The following BRD4 variants were observed in gnomAD, a reference collection of about 807,000 sequenced individuals.
BRD4 encodes bromodomain-containing protein 4.
BRD4 carries 16 observed loss-of-function variants against 142.1 expected under a neutral mutation model. The observed-to-expected ratio is 0.11, with a 90% CI of 0.08 to 0.17. The LOEUF is 0.17. Ranked by LOEUF, BRD4 falls within the 10% of genes least tolerant of loss-of-function variation. BRD4 has a pLI of 1.00. For missense variants in BRD4, 1,424 were observed against 1,810.9 expected, an observed-to-expected ratio of 0.79 and a Z score of 3.88; for synonymous variants, 833 against 707.5, an observed-to-expected ratio of 1.18 and a Z score of -2.82.
intron 1 of BRD4, among the ~76,000 whole-genome samples, chr19:15,278,482 C>G (rs1227665123): frequency 7.2e-6 from 1 of 139,200 alleles, no homozygotes; most frequent in East Asian, 2.1e-4. Flanking sequence ...TTGCAGTGAG[C>G]AGAGATTGTG....
chr19:15,305,595 T>C (rs1167674282), intron 1 of BRD4, among the ~76,000 whole-genome samples: 1 of 152,228 alleles, frequency 6.6e-6, no homozygotes, highest in Non-Finnish European at 1.5e-5. Context: ...AGACTTTGTT[T>C]TTCCCTTTAC....
intron 1 of BRD4, among the ~76,000 whole-genome samples, chr19:15,328,859 C>T (rs202123262): frequency 1.3e-5 from 2 of 152,278 alleles, no homozygotes; most frequent in Admixed American, 6.5e-5. Flanking sequence ...CCGCAACCTC[C>T]GCCTCCCGGG....
intron 1 of BRD4, among the ~76,000 whole-genome samples, chr19:15,310,444 T>C (rs903623495): frequency 1.7e-4 from 22 of 131,844 alleles, no homozygotes; most frequent in Non-Finnish European, 2.3e-4. Context: ...CACTGCAAGC[T>C]CCGCCTCCCG....
Position 15,243,628 on chromosome 19 carries a change from G to A in BRD4, c.2582-141C>T, listed in dbSNP as rs575784117. The A allele has an allele frequency of 1.2e-4, 161 of 1,367,450 alleles. No individual in the cohort carries two copies. In the South Asian group the frequency reaches 1.8e-3, roughly 15 times the overall value. 84.7% of individuals were successfully genotyped at this position (1,367,450 alleles called of 1,614,324 possible). On this transcript the variant is annotated intron_variant, in intron 13 of 19. Transcript: ENST00000679869. Reference sequence around the variant, plus strand: ...AACTGGCACTCCCTCCCCACCTACCGTGGCCTCCCACAAACTCCAGAGCAG... The same window carrying A: ...AACTGGCACTCCCTCCCCACCTACCATGGCCTCCCACAAACTCCAGAGCAG...
intron 1 of BRD4, among the ~76,000 whole-genome samples, chr19:15,319,863 G>C (rs577437430): frequency 9.5e-4 from 145 of 152,178 alleles, no homozygotes; most frequent in Non-Finnish European, 4.4e-4. Flanking sequence ...TGAGTTTGGG[G>C]AGGCTGAGAC....
chr19:15,238,583 A>G lies in BRD4; in HGVS notation c.4021-138T>C, dbSNP rs991141724. 1 of 1,510,988 alleles carries G rather than the reference A, an allele frequency of 6.6e-7. No individual in the cohort carries two copies. Among genetic ancestry groups the G allele is most frequent in the Non-Finnish European group, 8.9e-7 (1 of 1,127,846 alleles). 93.6% of individuals were successfully genotyped at this position (1,510,988 alleles called of 1,614,324 possible). A position where few individuals can be genotyped will look rare whatever the true frequency, so the allele number is the denominator to read the frequency against. On this transcript the variant is annotated intron_variant, in intron 19 of 19. Transcript: ENST00000679869. The surrounding 1 kb of genome is among the most constrained non-coding windows in gnomAD (Gnocchi z 7.2). ...CTCATAGCGCTCACCCCGTCCACACAGCACTCAGGGCCCTACAGCTGAGTC... is the reference window on the plus strand; with the variant it reads ...CTCATAGCGCTCACCCCGTCCACACGGCACTCAGGGCCCTACAGCTGAGTC...
At chr19:15,305,078 G>A (rs9653147) in intron 1 of BRD4, among the ~76,000 whole-genome samples, 5,456 of 148,054 alleles carry the variant, frequency 0.037, 291 homozygotes, top group African/African-American at 0.11. Context: ...GAGTGCAATG[G>A]CGCGATCTCA....
intron 2 of BRD4, among the ~76,000 whole-genome samples, chr19:15,271,426 T>C (rs1426808624): frequency 6.6e-6 from 1 of 152,194 alleles, no homozygotes; most frequent in East Asian, 1.9e-4. Context: ...GTCGGAATCC[T>C]CATCTCTTTG....
chr19:15,264,190 G>A (rs2047505249), intron 6 of BRD4: 4 of 586,960 alleles, frequency 6.8e-6, no homozygotes, highest in Admixed American at 3.4e-5. Flanking sequence ...GGCAGCACAG[G>A]CATCTGTAGC....
chr19:15,263,233 C>T (rs2047493470), intron 7 of BRD4, among the ~76,000 whole-genome samples, 187 bp downstream of exon 7: 1 of 152,180 alleles, frequency 6.6e-6, no homozygotes, highest in Admixed American at 6.5e-5. Context: ...ACCCACTCTG[C>T]TTTAATTGAA....
chr19:15,296,897 C>G (rs1045780805), intron 1 of BRD4, among the ~76,000 whole-genome samples: 3 of 151,950 alleles, frequency 2.0e-5, no homozygotes, highest in African/African-American at 7.3e-5. Context: ...GCCCACCTCT[C>G]ATGGAGAGTA....
intron 1 of BRD4, among the ~76,000 whole-genome samples, chr19:15,283,165 G>C (rs2047717324): frequency 6.6e-6 from 1 of 152,024 alleles, no homozygotes; most frequent in African/African-American, 2.4e-5. Flanking sequence ...AAATACGGGG[G>C]ACACACTTGG....
intron 8 of BRD4, 37 bp from the exon 9 acceptor site, chr19:15,256,300 G>A (rs201089418): frequency 6.3e-7 from 1 of 1,590,020 alleles, no homozygotes; most frequent in African/African-American, 1.4e-5. Context: ...ACTCAGGGCT[G>A]AAACCACCTT....
chr19:15,282,971 A>G (rs2047716027), intron 1 of BRD4, among the ~76,000 whole-genome samples: 1 of 152,198 alleles, frequency 6.6e-6, no homozygotes, highest in South Asian at 2.1e-4. Context: ...GTCTTTAAAA[A>G]TAATAATAAA....
At chr19:15,275,396 C>A (rs1173015499) in intron 1 of BRD4, among the ~76,000 whole-genome samples, 2 of 152,138 alleles carry the variant, frequency 1.3e-5, no homozygotes, top group Admixed American at 1.3e-4. Flanking sequence ...AGTACCTGAC[C>A]CAGGAGTGGA....
chr19:15,293,532 G>T (rs2047800423), intron 1 of BRD4, among the ~76,000 whole-genome samples: 1 of 152,206 alleles, frequency 6.6e-6, no homozygotes, highest in African/African-American at 2.4e-5. Context: ...GAGTGTAAGA[G>T]CTTTAGCCGA....
At chr19:15,283,481 T>G (rs1437661293) in intron 1 of BRD4, among the ~76,000 whole-genome samples, 3 of 152,172 alleles carry the variant, frequency 2.0e-5, no homozygotes, top group African/African-American at 7.2e-5. Flanking sequence ...TATGACAGCT[T>G]CTATGTGAGT....
chr19:15,264,792 GCA>G (rs750328909), intron 5 of BRD4, 26 bp from the exon 6 acceptor site: 3 of 1,576,534 alleles, frequency 1.9e-6, no homozygotes, highest in Non-Finnish European at 2.6e-6. Context: ...ACGCCAACAG[GCA>G]CAGTCAGAAG....
intron 1 of BRD4, among the ~76,000 whole-genome samples, chr19:15,293,828 C>T (rs931651347): frequency 2.0e-5 from 3 of 152,182 alleles, no homozygotes; most frequent in Non-Finnish European, 2.9e-5. Context: ...TCCTCCTGCT[C>T]GTGGTAACCA....
Sources: gnomAD v4.1 joint callset for allele counts (sites outside exome capture counted in the v4.1 genomes callset) on GRCh38, gnomAD v4.1.1 for gene constraint, Gnocchi (gnomAD v3.1) non-coding constraint, MANE v1.5 for transcripts, NCBI Gene and HGNC (gene_info 2026-07-23, HGNC 2026-07-21) for gene names.